Variants in DLGAP2 observed in about 807,000 individuals in gnomAD.
DLGAP2 encodes the protein DLG associated protein 2.
DLGAP2 carries 26 observed loss-of-function variants against 100.3 expected under a neutral mutation model. That is an observed-to-expected ratio of 0.26 (90% CI 0.19 to 0.36). The LOEUF (loss-of-function observed/expected upper bound fraction) is 0.36. Among genes scored for constraint, DLGAP2 ranks in the 10% least tolerant of loss-of-function variants. DLGAP2 has a pLI of 1.00. For synonymous variants in DLGAP2, 886 were observed against 630.1 expected, an observed-to-expected ratio of 1.41 and a Z score of -6.08; for missense variants, 1,858 against 1,453.2, an observed-to-expected ratio of 1.28 and a Z score of -4.53.
chr8:1,453,770 C>A (rs1199677719), intron 3 of DLGAP2, among the ~76,000 whole-genome samples: 1 of 152,214 alleles, frequency 6.6e-6, no homozygotes, highest in Non-Finnish European at 1.5e-5. Flanking sequence ...TAGTAACCAG[C>A]AGGAGTTTCA....
At chr8:1,623,147 G>T (rs1186118878) in intron 6 of DLGAP2, among the ~76,000 whole-genome samples, 1 of 152,204 alleles carries the variant, frequency 6.6e-6, no homozygotes, top group Non-Finnish European at 1.5e-5. Flanking sequence ...AAAGTCTGTG[G>T]TATCAGAGGA....
chr8:1,338,148 A>G (rs984632726), intron 3 of DLGAP2, among the ~76,000 whole-genome samples: 1 of 152,260 alleles, frequency 6.6e-6, no homozygotes, highest in African/African-American at 2.4e-5. Flanking sequence ...TTAAACAGAC[A>G]GTTACCTTAT....
Position 1,068,686 on chromosome 8 carries a change from C to T in DLGAP2, c.73+160720C>T, listed in dbSNP as rs765342226. Among the ~76,000 whole-genome samples, 6 of 151,774 alleles carry T rather than the reference C, an allele frequency of 4.0e-5. No individual in the cohort carries two copies. In the South Asian group the frequency reaches 6.3e-4, roughly 16 times the overall value. ...GAAGTGCTGCACAGCAGGGGCTCAG[C>T]GCATGTGGGACAGAGGGAGGGAAGG... On this transcript the variant is annotated intron_variant, in intron 2 of 14. Coordinates refer to ENST00000637795, the MANE Select transcript of DLGAP2 (RefSeq NM_001346810.2).
In DLGAP2 at chr8:907,941, C is replaced by T. The variant is rs1584881121; in HGVS notation, c.48C>T (p.Cys16=). The T allele has an allele frequency of 5.0e-6, 2 of 398,954 alleles. No homozygotes were observed. Among genetic ancestry groups the T allele is most frequent in the Admixed American group, 4.4e-5 (1 of 22,736 alleles). 24.7% of individuals were successfully genotyped at this position (398,954 alleles called of 1,614,324 possible). A position where few individuals can be genotyped will look rare whatever the true frequency, so the allele number is the denominator to read the frequency against. Residue 16 remains cysteine, a synonymous_variant, in exon 2 of 15, where the codon TGC becomes TGT. Transcript: ENST00000637795. ...TGCCTGGCATTCTGCAGAAGCATTG[C>T]TGTATCTTACCAGACAGGAATACAG... ...KVLPGILQKH[C]CILPDRNTES... is the part of the protein sequence containing the mutation.
At chr8:1,079,473 G>A (rs1803728627) in intron 2 of DLGAP2, among the ~76,000 whole-genome samples, 1 of 152,132 alleles carries the variant, frequency 6.6e-6, no homozygotes, top group Admixed American at 6.5e-5. Context: ...GCCTTTATTG[G>A]TTGCTTACTG....
At chr8:1,030,498 A>G (rs1380251226) in intron 2 of DLGAP2, among the ~76,000 whole-genome samples, 1 of 152,176 alleles carries the variant, frequency 6.6e-6, no homozygotes, top group Non-Finnish European at 1.5e-5. Context: ...ACTCGGCTGT[A>G]ATGTGTATTT....
In DLGAP2 at chr8:1,591,033, A is replaced by C. The variant is rs535281114; in HGVS notation, c.1442+25139A>C. On this transcript the variant is annotated intron_variant, in intron 6 of 14. Transcript: ENST00000637795. The stretch of plus-strand genomic sequence containing the variant: ...AACATGAGGATGTAGATATGAAAAC[A>C]TCTTACACATTCTTGCCCTTCCGTG... Among the ~76,000 whole-genome samples the C allele has an allele frequency of 9.3e-4, 142 of 152,194 alleles. 1 individual carries two copies. The highest frequency in any genetic ancestry group is 1.4e-3 in the Non-Finnish European group (98 of 68,038).
chr8:1,640,759 C>T (rs920312863), intron 8 of DLGAP2, among the ~76,000 whole-genome samples: 1 of 152,180 alleles, frequency 6.6e-6, no homozygotes, highest in Non-Finnish European at 1.5e-5. Context: ...AGGTGGAAGT[C>T]TCACGTGGCC....
intron 2 of DLGAP2, among the ~76,000 whole-genome samples, chr8:1,066,629 G>T (rs1450728297): frequency 6.6e-6 from 1 of 151,926 alleles, no homozygotes; most frequent in Admixed American, 6.6e-5. Context: ...CCACGGTCAG[G>T]TCTGAGTGAG....
intron 2 of DLGAP2, among the ~76,000 whole-genome samples, chr8:925,240 G>T (rs1016687403): frequency 1.3e-5 from 2 of 151,980 alleles, no homozygotes; most frequent in African/African-American, 2.4e-5. Context: ...AAAGTAGCTG[G>T]GACGACAGGT....
At chr8:1,163,726 G>T (rs1318969755) in intron 2 of DLGAP2, among the ~76,000 whole-genome samples, 1 of 152,194 alleles carries the variant, frequency 6.6e-6, no homozygotes, top group African/African-American at 2.4e-5. Flanking sequence ...GGTAATTGGT[G>T]TTGGTGGGAG....
intron 3 of DLGAP2, among the ~76,000 whole-genome samples, chr8:1,391,678 G>A (rs184734896): frequency 1.4e-4 from 21 of 152,360 alleles, no homozygotes; most frequent in Non-Finnish European, 2.2e-4. Flanking sequence ...AGAGGGCAGA[G>A]GGCCTGGCGA....
At chr8:1,332,369 A>C (rs538938268) in intron 3 of DLGAP2, among the ~76,000 whole-genome samples, 23 of 152,034 alleles carry the variant, frequency 1.5e-4, no homozygotes, top group Admixed American at 3.9e-4. Context: ...CTGTGTACAC[A>C]TATCTGCACA....
chr8:899,808 G>A (rs962498759), intron 1 of DLGAP2, among the ~76,000 whole-genome samples: 1 of 152,196 alleles, frequency 6.6e-6, no homozygotes, highest in Admixed American at 6.5e-5. Flanking sequence ...GGCTCATGTG[G>A]CTGGAGAAGC....
chr8:1,268,125 T>A (rs534602659), intron 3 of DLGAP2, among the ~76,000 whole-genome samples: 99 of 152,338 alleles, frequency 6.5e-4, no homozygotes, highest in Admixed American at 2.6e-3. Context: ...CAAATTTCTT[T>A]CTTTTTAAGA....
intron 8 of DLGAP2, among the ~76,000 whole-genome samples, chr8:1,649,459 G>A (rs1209708842): frequency 6.6e-6 from 1 of 152,224 alleles, no homozygotes; most frequent in Admixed American, 6.5e-5. Flanking sequence ...ATTAAAGCAA[G>A]AGATTAAATG....
chr8:799,557 AAAAATGCATTTTGC>A (rs1796105464), intron 1 of DLGAP2, among the ~76,000 whole-genome samples: 1 of 151,272 alleles, frequency 6.6e-6, no homozygotes, highest in Admixed American at 6.6e-5. Context: ...CATATTCTGC[AAAAATGCATTTTGC>A]AAATGATGCC....
At position 1,594,818 on chromosome 8, in the gene DLGAP2, C is replaced by T. The variant is rs185267846; in HGVS notation, c.1442+28924C>T. Among the ~76,000 whole-genome samples the T allele has an allele frequency of 1.1e-3, 161 of 152,250 alleles. 1 individual carries two copies. Among genetic ancestry groups the T allele is most frequent in the African/African-American group, 3.6e-3 (150 of 41,532 alleles). ...AAAGTTAAACATTTTAAAAGTCGAA[C>T]ACTCATTCCTGCCCCTGATCTTTCT... On this transcript the variant is annotated intron_variant, in intron 6 of 14. Transcript: ENST00000637795.
chr8:1,475,076 G>A (rs112329714), intron 3 of DLGAP2, among the ~76,000 whole-genome samples: 3,698 of 152,156 alleles, frequency 0.024, 136 homozygotes, highest in African/African-American at 0.084. Flanking sequence ...TCATGTCCTC[G>A]CAGAGACACG....
Sources: gnomAD v4.1 joint callset for allele counts (sites outside exome capture counted in the v4.1 genomes callset) on GRCh38, gnomAD v4.1.1 for gene constraint, MANE v1.5 for transcripts, NCBI Gene and HGNC (gene_info 2026-07-23, HGNC 2026-07-21) for gene names.